Variants in LHFPL3 observed in about 807,000 individuals in gnomAD.
The protein encoded by LHFPL3 is LHFPL tetraspan subfamily member 3 protein.
In LHFPL3, 5 loss-of-function variants were observed where a neutral mutation model predicts 19.3. That is an observed-to-expected ratio of 0.26 (90% CI 0.14 to 0.54). LHFPL3 has a LOEUF of 0.54. LHFPL3 is among the 20% of genes least tolerant of loss of function. The pLI is 0.94. For synonymous variants in LHFPL3, 133 were observed against 126.2 expected, an observed-to-expected ratio of 1.05 and a Z score of -0.36; for missense variants, 249 against 307.4, an observed-to-expected ratio of 0.81 and a Z score of 1.42.
chr7:104,522,985 TG>T (rs1794103166), intron 1 of LHFPL3, among the ~76,000 whole-genome samples: 1 of 151,806 alleles, frequency 6.6e-6, no homozygotes, highest in African/African-American at 2.4e-5. Flanking sequence ...TGTGTGTGTG[TG>T]TGTGTATGCA....
intron 2 of LHFPL3, among the ~76,000 whole-genome samples, chr7:104,751,997 T>C (rs1264676186): frequency 6.6e-6 from 1 of 152,130 alleles, no homozygotes; most frequent in East Asian, 1.9e-4. Flanking sequence ...TGGATATCCA[T>C]ACTAACTTTC....
intron 2 of LHFPL3, among the ~76,000 whole-genome samples, chr7:104,878,267 C>CT (rs35713546): frequency 0.66 from 99,701 of 150,044 alleles, 33,835 homozygotes; most frequent in East Asian, 0.97. Context: ...ACAAATATTG[C>CT]TTTTTTTTTT....
intron 1 of LHFPL3, among the ~76,000 whole-genome samples, chr7:104,538,322 A>G (rs1287101046): frequency 6.6e-6 from 1 of 152,158 alleles, no homozygotes; most frequent in African/African-American, 2.4e-5. Flanking sequence ...ATACACTGAC[A>G]CTTAGGGATG....
chr7:104,878,026 G>T (rs1295130280), intron 2 of LHFPL3, among the ~76,000 whole-genome samples: 1 of 151,996 alleles, frequency 6.6e-6, no homozygotes, highest in African/African-American at 2.4e-5. Flanking sequence ...GTAGAGACGG[G>T]GTTTCACCAT....
chr7:104,742,008 A>G (rs995715739), intron 2 of LHFPL3, among the ~76,000 whole-genome samples: 14 of 152,212 alleles, frequency 9.2e-5, no homozygotes, highest in Non-Finnish European at 1.5e-4. Context: ...AAATGAGCCA[A>G]TAACAGTAGG....
At chr7:104,733,352 A>C (rs181799341) in intron 1 of LHFPL3, among the ~76,000 whole-genome samples, 117 of 152,252 alleles carry the variant, frequency 7.7e-4, no homozygotes, top group African/African-American at 2.8e-3. Flanking sequence ...ATTGTGTGGG[A>C]GTCTAAGTCT....
intron 2 of LHFPL3, among the ~76,000 whole-genome samples, chr7:104,852,326 A>C (rs1791428258): frequency 6.6e-6 from 1 of 152,268 alleles, no homozygotes; most frequent in South Asian, 2.1e-4. Flanking sequence ...AAACTTACTC[A>C]GTGTCCAGAA....
intron 1 of LHFPL3, among the ~76,000 whole-genome samples, chr7:104,524,624 C>T (rs1046051653): frequency 2.6e-5 from 4 of 152,130 alleles, no homozygotes; most frequent in African/African-American, 9.7e-5. Flanking sequence ...GACTGACTCA[C>T]AGTATTGTTC....
chr7:104,823,098 G>A (rs1019259724), intron 2 of LHFPL3, among the ~76,000 whole-genome samples: 1 of 152,134 alleles, frequency 6.6e-6, no homozygotes, highest in Admixed American at 6.5e-5. Flanking sequence ...AGCCATGATC[G>A]TGTATGCTAT....
chr7:104,410,158 T>A (rs190679014), intron 1 of LHFPL3, among the ~76,000 whole-genome samples: 72 of 152,186 alleles, frequency 4.7e-4, no homozygotes, highest in African/African-American at 1.5e-3. Context: ...GTTGTTTGAG[T>A]TTTTGCTCTT....
At chr7:104,566,230 A>C (rs1790121570) in intron 1 of LHFPL3, among the ~76,000 whole-genome samples, 1 of 152,164 alleles carries the variant, frequency 6.6e-6, no homozygotes, top group African/African-American at 2.4e-5. Flanking sequence ...ATGCACCTGT[A>C]GTCCTAGCTA....
At chr7:104,422,952 T>C (rs1447908392) in intron 1 of LHFPL3, among the ~76,000 whole-genome samples, 1 of 152,208 alleles carries the variant, frequency 6.6e-6, no homozygotes, top group Non-Finnish European at 1.5e-5. Context: ...GATTAATTGA[T>C]TCATTGAACA....
intron 1 of LHFPL3, among the ~76,000 whole-genome samples, chr7:104,488,056 A>G (rs1793270997): frequency 6.6e-6 from 1 of 151,918 alleles, no homozygotes; most frequent in Non-Finnish European, 1.5e-5. Context: ...TCACTTTCTC[A>G]TTTCCACCCT....
intron 2 of LHFPL3, among the ~76,000 whole-genome samples, chr7:104,746,366 G>T (rs546673480): frequency 6.6e-6 from 1 of 152,130 alleles, no homozygotes; most frequent in African/African-American, 2.4e-5. Flanking sequence ...TCATTCAGTT[G>T]GTATGAAGTA....
Position 104,636,267 on chromosome 7 carries a change from T to C in LHFPL3, c.446-100408T>C, listed in dbSNP as rs925153637. 2.0e-5 allele frequency among the ~76,000 whole-genome samples: 3 copies of C among 152,166 alleles called. No homozygotes were observed. The East Asian group carries it at 5.8e-4, about 29-fold the overall frequency. The stretch of plus-strand genomic sequence containing the variant: ...TAGAGGTAGAAGTATACGTATATTA[T>C]ATAGAAATATGGAAGTTAATGCCAG... On this transcript the variant is annotated intron_variant, in intron 1 of 2. Coordinates refer to ENST00000424859, the MANE Select transcript of LHFPL3 (RefSeq NM_199000.3).
chr7:104,678,888 G>A (rs375432730), intron 1 of LHFPL3, among the ~76,000 whole-genome samples: 1 of 152,116 alleles, frequency 6.6e-6, no homozygotes, highest in African/African-American at 2.4e-5. Context: ...ATCTAAGAAG[G>A]TTCCTGGAAA....
chr7:104,846,115 C>A (rs1488992643), intron 2 of LHFPL3, among the ~76,000 whole-genome samples: 1 of 152,164 alleles, frequency 6.6e-6, no homozygotes, highest in African/African-American at 2.4e-5. Flanking sequence ...GTACTGTTCA[C>A]ACATACACAC....
chr7:104,508,528 G>A (rs1793745721), intron 1 of LHFPL3, among the ~76,000 whole-genome samples: 1 of 151,124 alleles, frequency 6.6e-6, no homozygotes, highest in African/African-American at 2.4e-5. Context: ...GTTAGTGGGT[G>A]CAGCACACCA....
intron 1 of LHFPL3, among the ~76,000 whole-genome samples, chr7:104,562,785 G>T (rs1790034608): frequency 6.6e-6 from 1 of 151,646 alleles, no homozygotes; most frequent in East Asian, 1.9e-4. Context: ...CAGTTTTTCT[G>T]TTCTGTTTTT....
Sources: allele counts gnomAD v4.1 joint callset (sites outside exome capture counted in the v4.1 genomes callset), GRCh38; gene constraint gnomAD v4.1.1; transcripts MANE v1.5; gene names NCBI Gene and HGNC (gene_info 2026-07-23, HGNC 2026-07-21).